The following BLTP3A variants were observed in gnomAD, a reference collection of about 807,000 sequenced individuals.
BLTP3A encodes ICBP90 binding protein 1.
chr6:34,869,365 C>G, the BLTP3A span, among the ~76,000 whole-genome samples: 7 of 152,136 alleles, frequency 4.6e-5, no homozygotes, highest in African/African-American at 7.2e-5. Flanking sequence ...AGTCCCTCTC[C>G]TGAACCTCCT....
the BLTP3A span, among the ~76,000 whole-genome samples, chr6:34,863,114 C>A: frequency 6.6e-6 from 1 of 151,954 alleles, no homozygotes; most frequent in African/African-American, 2.4e-5. Context: ...GCCATGTTGC[C>A]CAGGCTGGTC....
chr6:34,823,282 T>G, the BLTP3A span: 3 of 1,614,164 alleles, frequency 1.9e-6, no homozygotes, highest in East Asian at 2.2e-5. Context: ...GAGGTGGAGA[T>G]GAAGACATGT....
At chr6:34,803,962 G>A in the BLTP3A span, among the ~76,000 whole-genome samples, 1 of 151,942 alleles carries the variant, frequency 6.6e-6, no homozygotes, top group Non-Finnish European at 1.5e-5. Flanking sequence ...ATGAAAGAAG[G>A]GGCTGCAGTT....
chr6:34,856,165 T>A, the BLTP3A span: 1 of 1,536,552 alleles, frequency 6.5e-7, no homozygotes, highest in Non-Finnish European at 8.8e-7. Context: ...ACTATGACTA[T>A]ACTGACAGAA....
the BLTP3A span, chr6:34,821,503 G>A: frequency 2.7e-6 from 2 of 731,130 alleles, no homozygotes; most frequent in Non-Finnish European, 4.4e-6. Flanking sequence ...ACAGTTTTCT[G>A]TGTTCCTTCA....
chr6:34,835,131 A>G, the BLTP3A span, among the ~76,000 whole-genome samples: 47 of 152,130 alleles, frequency 3.1e-4, no homozygotes, highest in East Asian at 8.7e-3. Flanking sequence ...TTTTTAATTA[A>G]GGAAACTTTA....
the BLTP3A span, chr6:34,858,858 G>C: frequency 6.2e-7 from 1 of 1,614,166 alleles, no homozygotes. Context: ...ACCACTACCA[G>C]TACTTGGCTC....
chr6:34,835,408 G>A, the BLTP3A span: 2 of 1,614,062 alleles, frequency 1.2e-6, no homozygotes, highest in Non-Finnish European at 1.7e-6. Flanking sequence ...GTCACTGAGT[G>A]AAGCCATGGA....
the BLTP3A span, among the ~76,000 whole-genome samples, chr6:34,838,216 T>C: frequency 2.0e-5 from 3 of 152,356 alleles, no homozygotes; most frequent in Middle Eastern, 6.8e-3. Flanking sequence ...CATTTCTTCT[T>C]ACATTATGAT....
At chr6:34,842,152 C>T in the BLTP3A span, among the ~76,000 whole-genome samples, 1 of 152,118 alleles carries the variant, frequency 6.6e-6, no homozygotes, top group Admixed American at 6.6e-5. Flanking sequence ...CTCTAAGCAA[C>T]TCCAGCAGAG....
the BLTP3A span, among the ~76,000 whole-genome samples, chr6:34,826,937 G>A: frequency 6.6e-6 from 1 of 152,120 alleles, no homozygotes; most frequent in African/African-American, 2.4e-5. Context: ...AGAGACTATT[G>A]TCTGCAAAAC....
At chr6:34,793,468 T>G in the BLTP3A span, among the ~76,000 whole-genome samples, 198 of 152,312 alleles carry the variant, frequency 1.3e-3, no homozygotes, top group African/African-American at 4.5e-3. Context: ...CTCATTGCTT[T>G]GGTAAGCGGT....
At chr6:34,858,823 C>G in the BLTP3A span, 2 of 1,614,090 alleles carry the variant, frequency 1.2e-6, no homozygotes, top group East Asian at 2.2e-5. Context: ...TGTACATTCC[C>G]CGGCCCATGT....
chr6:34,818,602 C>T, the BLTP3A span, among the ~76,000 whole-genome samples: 3 of 152,048 alleles, frequency 2.0e-5, no homozygotes, highest in Admixed American at 1.3e-4. Flanking sequence ...TATGGAGTAG[C>T]GTAATGAAAA....
At chr6:34,841,044 G>C in the BLTP3A span, among the ~76,000 whole-genome samples, 21,532 of 152,152 alleles carry the variant, frequency 0.14, 1,815 homozygotes, top group African/African-American at 0.23. Context: ...CATTCCCCAG[G>C]CTGGTCTCTT....
chr6:34,876,128 A>C, the BLTP3A span: 1 of 152,672 alleles, frequency 6.5e-6, no homozygotes, highest in Non-Finnish European at 1.5e-5. Flanking sequence ...ACTGGGCTGC[A>C]AGGATGGCTA....
At chr6:34,859,621 C>T in the BLTP3A span, 1 of 1,596,896 alleles carries the variant, frequency 6.3e-7, no homozygotes, top group Non-Finnish European at 8.5e-7. Context: ...TCTCCTAGTT[C>T]TGATCATTGG....
chr6:34,796,677 A>G, the BLTP3A span, among the ~76,000 whole-genome samples: 2 of 152,254 alleles, frequency 1.3e-5, no homozygotes, highest in African/African-American at 4.8e-5. Context: ...TCTATCGTTA[A>G]TGGAAGGAGC....
chr6:34,848,605 C>CA, the BLTP3A span, among the ~76,000 whole-genome samples: 34,044 of 125,212 alleles, frequency 0.27, 4,079 homozygotes, highest in East Asian at 0.38. Flanking sequence ...GACTTGGTCT[C>CA]AAAAAAAAAA....
Sources: allele counts gnomAD v4.1 joint callset (sites outside exome capture counted in the v4.1 genomes callset), GRCh38; gene constraint gnomAD v4.1.1; transcripts MANE v1.5; gene names NCBI Gene and HGNC (gene_info 2026-07-23, HGNC 2026-07-21).